UNK: variants seen among roughly 807,000 people sequenced by gnomAD.
The protein encoded by UNK is unk zinc finger.
In UNK, 32 loss-of-function variants were observed where a neutral mutation model predicts 97.6. The ratio of observed to expected loss-of-function variants is 0.33; its 90% CI spans 0.25 to 0.44. UNK has a LOEUF of 0.44. UNK is among the 20% of genes least tolerant of loss of function. The pLI is 1.00. For missense variants in UNK, 771 were observed against 1,098.4 expected (o/e 0.70, Z 4.21); for synonymous variants, 441 against 461.2 (o/e 0.96, Z 0.56).
At chr17:75,823,796 T>C (rs2062092594) in intron 15 of UNK, among the ~76,000 whole-genome samples, 1 of 152,124 alleles carries the variant, frequency 6.6e-6, no homozygotes, top group East Asian at 1.9e-4. Context: ...GGGCCCCAAA[T>C]GCGTCCTCCT....
At chr17:75,820,794 A>G (rs1445812226) in intron 13 of UNK, among the ~76,000 whole-genome samples, 1 of 151,206 alleles carries the variant, frequency 6.6e-6, no homozygotes, top group East Asian at 1.9e-4. Flanking sequence ...CACCGCTCTC[A>G]CTCTCCCCCA....
At chr17:75,822,181 CCT>C (rs1400286381) in intron 13 of UNK, among the ~76,000 whole-genome samples, 3 of 152,222 alleles carry the variant, frequency 2.0e-5, no homozygotes, top group East Asian at 1.9e-4. Context: ...TCCTGAGTCC[CCT>C]GAGTTACCCG....
rs776179373 is a variant in UNK, at chr17:75,818,193, T to A, written c.1371+25T>A. 1.2e-6 allele frequency: 2 copies of A among 1,612,538 alleles called. No homozygotes were observed. Among genetic ancestry groups the A allele is most frequent in the South Asian group, 1.1e-5 (1 of 90,978 alleles). On this transcript the variant is annotated intron_variant, in intron 10 of 15. Transcript: ENST00000589666. The surrounding 1 kb of genome is among the most constrained non-coding windows in gnomAD (Gnocchi z 5.1). ...GGTATAGAGCTCTCAGCCCCCTTCCTCCCCTCTGCTGTGGACAGGAGTGGC... is the reference window on the plus strand; with the variant it reads ...GGTATAGAGCTCTCAGCCCCCTTCCACCCCTCTGCTGTGGACAGGAGTGGC...
At chr17:75,792,448 A>G (rs975951895) in intron 1 of UNK, 12 of 985,282 alleles carry the variant, frequency 1.2e-5, no homozygotes, top group Non-Finnish European at 1.4e-5. Flanking sequence ...TTTGGGTCAC[A>G]CTAATTGTTA....
At chr17:75,791,944 C>T in intron 1 of UNK, 1 of 985,388 alleles carries the variant, frequency 1.0e-6, no homozygotes, top group Non-Finnish European at 1.2e-6. Flanking sequence ...AATAGCACCC[C>T]AGATAAGTGC....
At chr17:75,787,398 A>T (rs748320675) in intron 1 of UNK, among the ~76,000 whole-genome samples, 3 of 150,896 alleles carry the variant, frequency 2.0e-5, no homozygotes, top group African/African-American at 4.9e-5. Flanking sequence ...TAGAGACGTG[A>T]TTTTGCCATG....
chr17:75,789,333 A>G (rs2061741627), intron 1 of UNK, among the ~76,000 whole-genome samples: 1 of 151,812 alleles, frequency 6.6e-6, no homozygotes, highest in Admixed American at 6.6e-5. Flanking sequence ...CAAGAACCAC[A>G]TGACCTCTTT....
At chr17:75,811,138 A>T (rs960731849) in intron 2 of UNK, among the ~76,000 whole-genome samples, 1 of 151,734 alleles carries the variant, frequency 6.6e-6, no homozygotes, top group African/African-American at 2.4e-5. Context: ...TTTAGTAGAG[A>T]CGGGGTTTTG....
At chr17:75,791,833 A>C (rs906873228) in intron 1 of UNK, 1 of 985,432 alleles carries the variant, frequency 1.0e-6, no homozygotes, top group East Asian at 1.1e-4. Context: ...CTATCATCCT[A>C]CAAAGACTGT....
In UNK at chr17:75,798,435, C is replaced by G. The variant is rs146281973; in HGVS notation, c.105-11325C>G. On this transcript the variant is annotated intron_variant, in intron 1 of 15. Transcript: ENST00000589666. ...GGCCAGGCTGGTCTTGAACTCCTGA[C>G]CTCAGGTGATCTACCCACCTTGGCC... Among the ~76,000 whole-genome samples, 1,321 of 152,172 alleles carry G rather than the reference C, an allele frequency of 8.7e-3. 24 individuals carry two copies. Among genetic ancestry groups the G allele is most frequent in the African/African-American group, 0.031 (1,267 of 41,524 alleles).
chr17:75,816,883 T>A lies in UNK; in HGVS notation c.1075T>A (p.Ser359Thr). The A allele has an allele frequency of 6.2e-7, 1 of 1,606,110 alleles. No homozygotes were observed. Among genetic ancestry groups the A allele is most frequent in the African/African-American group, 1.3e-5 (1 of 75,010 alleles). ...AAGDSVPVSP[S>T]SPHAPDLSAL... is the part of the protein sequence containing the mutation. ...CGGAGACTCGGTGCCTGTGAGCCCC[T>A]CCAGCCCGCATGCCCCTGACCTCAG... The change falls in exon 8 of 16, where the codon TCC (serine) becomes ACC (threonine). Residue 359 changes from serine (S) to threonine (T), a missense_variant. Ser to Thr is a moderately conservative substitution (Grantham distance 58). Coordinates refer to ENST00000589666, the MANE Select transcript of UNK (RefSeq NM_001080419.3). This position sits in a 1 kb window ranked among gnomAD's most constrained non-coding sequence, Gnocchi z 4.0.
chr17:75,787,079 G>T lies in UNK; in HGVS notation c.104+2095G>T, dbSNP rs548548865. The stretch of plus-strand genomic sequence containing the variant: ...CCAAAAATCAGAGATAGAAATCAGT[G>T]GTCTTTCTTGCTAGACTTACTAGCA... On this transcript the variant is annotated intron_variant, in intron 1 of 15. Coordinates refer to ENST00000589666, the MANE Select transcript of UNK (RefSeq NM_001080419.3). 5.3e-5 allele frequency among the ~76,000 whole-genome samples: 8 copies of T among 152,256 alleles called. No individual in the cohort carries two copies. The South Asian group carries it at 1.7e-3, about 32-fold the overall frequency.
intron 1 of UNK, among the ~76,000 whole-genome samples, chr17:75,802,504 C>T (rs2061870750): frequency 1.3e-5 from 2 of 151,986 alleles, no homozygotes; most frequent in Non-Finnish European, 2.9e-5. Context: ...GATCCTCCCA[C>T]CTCCGCCTCC....
chr17:75,818,994 G>A lies in UNK; in HGVS notation c.1546+178G>A. 1 of 700,032 alleles carries A rather than the reference G, an allele frequency of 1.4e-6. No individual in the cohort carries two copies. Among genetic ancestry groups the A allele is most frequent in the Non-Finnish European group, 2.2e-6 (1 of 448,846 alleles). The allele number at this position is 700,032 out of a possible 1,614,324, so 43.4% of individuals were successfully genotyped here. On this transcript the variant is annotated intron_variant, in intron 11 of 15. Transcript: ENST00000589666. The surrounding 1 kb of genome is among the most constrained non-coding windows in gnomAD (Gnocchi z 5.1). ...AAGGGGAAATGACCCCAAGGTGTAG[G>A]GCCAGGACTGACCCTTAGAGCTCCT...
At chr17:75,823,903 C>T (rs1001507026) in intron 15 of UNK, among the ~76,000 whole-genome samples, 21 of 152,204 alleles carry the variant, frequency 1.4e-4, no homozygotes, top group Non-Finnish European at 2.2e-4. Context: ...CCGGGGCCAA[C>T]GTGGCATGGT....
intron 1 of UNK, among the ~76,000 whole-genome samples, chr17:75,800,049 T>C (rs1480437985): frequency 6.6e-6 from 1 of 152,178 alleles, no homozygotes; most frequent in Non-Finnish European, 1.5e-5. Context: ...GCCTGCTTTT[T>C]TAAGGCCCAC....
Position 75,813,133 on chromosome 17 carries a change from G to A in UNK, c.678G>A (p.Arg226=), listed in dbSNP as rs375172969. 26 of 1,588,466 alleles carry A rather than the reference G, an allele frequency of 1.6e-5. No homozygotes were observed. In the African/African-American group the frequency reaches 3.0e-4, roughly 18 times the overall value. Residue 226 remains arginine, a synonymous_variant, in exon 5 of 16, where the codon CGG becomes CGA. Coordinates refer to ENST00000589666, the MANE Select transcript of UNK (RefSeq NM_001080419.3). ...CGGAGCCTTGCAAGAAGCCCCCGCG[G>A]CTGTGCCGCCAAGGCTATGCCTGTC... ...YKTEPCKKPP[R]LCRQGYACPY...
chr17:75,810,506 C>T (rs1388474560), intron 2 of UNK, among the ~76,000 whole-genome samples: 5 of 152,124 alleles, frequency 3.3e-5, no homozygotes, highest in African/African-American at 7.2e-5. Context: ...GTGTCACCGA[C>T]GGAACATTCA....
Position 75,819,890 on chromosome 17 carries a change from C to T in UNK, c.1649-30C>T. 6.2e-7 allele frequency: 1 copy of T among 1,602,030 alleles called. No homozygotes were observed. The highest frequency in any genetic ancestry group is 8.5e-7 in the Non-Finnish European group (1 of 1,173,544). The stretch of plus-strand genomic sequence containing the variant: ...CCGCCTGGCTTCCGCTGCCCTCACC[C>T]AGCCCGTCCTCCCCGGGCCTCTCTT... On this transcript the variant is annotated intron_variant, in intron 12 of 15. Transcript: ENST00000589666. The surrounding 1 kb of genome is among the most constrained non-coding windows in gnomAD (Gnocchi z 5.4).
Sources: allele counts gnomAD v4.1 joint callset (sites outside exome capture counted in the v4.1 genomes callset), GRCh38; gene constraint gnomAD v4.1.1; non-coding constraint Gnocchi (gnomAD v3.1); transcripts MANE v1.5; gene names NCBI Gene and HGNC (gene_info 2026-07-23, HGNC 2026-07-21).